FSTL1: variants seen among roughly 807,000 people sequenced by gnomAD.
FSTL1 encodes follistatin-related protein 1.
In FSTL1, 24 loss-of-function variants were observed where a neutral mutation model predicts 45.9. That is an observed-to-expected ratio of 0.52 (90% CI 0.38 to 0.74). The LOEUF (loss-of-function observed/expected upper bound fraction) is 0.74, where lower values mean the gene tolerates loss of function less well. FSTL1 is among the 30% of genes least tolerant of loss of function. The pLI is 0.00. For missense variants in FSTL1, 340 were observed against 381.8 expected, an observed-to-expected ratio of 0.89 and a Z score of 0.91; for synonymous variants, 120 against 137.6, an observed-to-expected ratio of 0.87 and a Z score of 0.89.
Position 120,411,985 on chromosome 3 carries a change from T to C in FSTL1, c.169-2A>G. On this transcript the variant is annotated splice_acceptor_variant, in intron 3 of 10. Transcript: ENST00000295633. LOFTEE classifies it high-confidence loss of function. ...AGGCCTCTTGTGAGGTTTGCATTGC[T>C]GAAACAGACCCAAAAGAGAATGTTT... 1 of 1,610,048 alleles carries C rather than the reference T, an allele frequency of 6.2e-7. No homozygotes were observed. Among genetic ancestry groups the C allele is most frequent in the Non-Finnish European group, 8.5e-7 (1 of 1,176,932 alleles).
At chr3:120,442,591 C>T (rs1475456691) in intron 2 of FSTL1, among the ~76,000 whole-genome samples, 1 of 151,776 alleles carries the variant, frequency 6.6e-6, no homozygotes, top group African/African-American at 2.4e-5. Flanking sequence ...ACCAGCCTGG[C>T]CAACTAGGTG....
chr3:120,396,957 T>C lies in FSTL1; in HGVS notation c.922A>G (p.Ile308Val), dbSNP rs769066779. Residue 308 changes from isoleucine (I) to valine (V), a missense_variant, in exon 11 of 11, where the codon ATC (isoleucine) becomes GTC (valine). Ile to Val is a conservative substitution (Grantham distance 29, BLOSUM62 3). Coordinates refer to ENST00000295633, the MANE Select transcript of FSTL1 (RefSeq NM_007085.5). ...EKTKRVSTKE[I>V] The stretch of plus-strand genomic sequence containing the variant: ...CACTGGTCTGTGCCTCCTCATTAGA[T>C]CTCTTTGGTGCTCACTCTCTTGGTC... 1.2e-6 allele frequency: 2 copies of C among 1,610,650 alleles called. No homozygotes were observed. The highest frequency in any genetic ancestry group is 1.7e-6 in the Non-Finnish European group (2 of 1,176,774).
chr3:120,442,807 A>ACTGCCAGATGTCC (rs1559745446), intron 2 of FSTL1, among the ~76,000 whole-genome samples: 4 of 147,350 alleles, frequency 2.7e-5, no homozygotes, highest in African/African-American at 1.0e-4. Context: ...AAAAAAAAAA[A>ACTGCCAGATGTCC]AAAGCAGACT....
At chr3:120,444,007 C>T (rs1480045915) in intron 2 of FSTL1, among the ~76,000 whole-genome samples, 1 of 149,904 alleles carries the variant, frequency 6.7e-6, no homozygotes, top group Non-Finnish European at 1.5e-5. Context: ...TTTACTTCAT[C>T]AGAATAGCCA....
chr3:120,445,762 G>C (rs1937724666), intron 2 of FSTL1, among the ~76,000 whole-genome samples: 1 of 149,776 alleles, frequency 6.7e-6, no homozygotes, highest in Admixed American at 6.6e-5. Flanking sequence ...ACGATTTAAA[G>C]CACCTGGACC....
intron 10 of FSTL1, among the ~76,000 whole-genome samples, chr3:120,398,225 G>A (rs1936742504): frequency 6.6e-6 from 1 of 152,008 alleles, no homozygotes; most frequent in Admixed American, 6.6e-5. Context: ...TGAATTTTAT[G>A]GTATATGAAT....
chr3:120,403,322 G>A lies in FSTL1; in HGVS notation c.614C>T (p.Ser205Phe). 1 of 1,611,400 alleles carries A rather than the reference G, an allele frequency of 6.2e-7. No homozygotes were observed. The highest frequency in any genetic ancestry group is 8.5e-7 in the Non-Finnish European group (1 of 1,177,516). Residue 205 changes from serine (S) to phenylalanine (F), a missense_variant, in exon 8 of 11, where the codon TCT (serine) becomes TTT (phenylalanine). Coordinates refer to ENST00000295633, the MANE Select transcript of FSTL1 (RefSeq NM_007085.5). ...GAGTTTCCAATCAGCATTTTCATCAGACAGTTCAATGAGAGCATCAACACA... is the reference window on the plus strand; with the variant it reads ...GAGTTTCCAATCAGCATTTTCATCAAACAGTTCAATGAGAGCATCAACACA... Reference protein sequence around the residue: ...GLCVDALIELSDENADWKLSF... With the variant: ...GLCVDALIELFDENADWKLSF...
intron 2 of FSTL1, among the ~76,000 whole-genome samples, chr3:120,438,968 C>T (rs148351774): frequency 4.6e-5 from 7 of 152,150 alleles, no homozygotes; most frequent in East Asian, 1.9e-4. Flanking sequence ...GCCAGTCCCC[C>T]GGGACAGTTT....
chr3:120,411,408 T>C (rs577821823), intron 4 of FSTL1: 11 of 192,844 alleles, frequency 5.7e-5, no homozygotes, highest in African/African-American at 2.6e-4. Context: ...GCAACAAGTG[T>C]GGGACTTCTT....
At chr3:120,412,007 G>T in intron 3 of FSTL1, 24 bp from the exon 4 acceptor site, 1 of 1,600,070 alleles carries the variant, frequency 6.2e-7, no homozygotes, top group Non-Finnish European at 8.6e-7. Flanking sequence ...AAAAGAGAAT[G>T]TTTGTGCAGT....
At chr3:120,434,369 A>T (rs1206803855) in intron 2 of FSTL1, among the ~76,000 whole-genome samples, 1 of 152,144 alleles carries the variant, frequency 6.6e-6, no homozygotes, top group Non-Finnish European at 1.5e-5. Context: ...TACCAAGAGG[A>T]TCTTCTCTGA....
intron 2 of FSTL1, among the ~76,000 whole-genome samples, chr3:120,427,955 A>C (rs1382978445): frequency 6.6e-6 from 1 of 152,170 alleles, no homozygotes; most frequent in Non-Finnish European, 1.5e-5. Flanking sequence ...GTAGAGATGA[A>C]GAGAAGCAAG....
Position 120,446,753 on chromosome 3 carries a change from C to T in FSTL1, c.63+3931G>A, listed in dbSNP as rs186494593. ...AAATATAACCCCTAGTGTACAATGC[C>T]GATAATAGGGTACGGTGAGGTTAAG... is the stretch of plus-strand genomic sequence containing the variant. On this transcript the variant is annotated intron_variant, in intron 2 of 10. Transcript: ENST00000295633. 4.6e-5 allele frequency among the ~76,000 whole-genome samples: 7 copies of T among 152,190 alleles called. No homozygotes were observed. In the East Asian group the frequency reaches 9.6e-4, roughly 21 times the overall value.
At chr3:120,413,940 C>T (rs182902986) in intron 3 of FSTL1, among the ~76,000 whole-genome samples, 38 of 151,962 alleles carry the variant, frequency 2.5e-4, no homozygotes, top group Admixed American at 2.0e-3. Flanking sequence ...TGCAGGCTTG[C>T]GCCGCCATGC....
At chr3:120,449,905 C>G (rs1029361125) in intron 2 of FSTL1, among the ~76,000 whole-genome samples, 1 of 152,016 alleles carries the variant, frequency 6.6e-6, no homozygotes, top group East Asian at 1.9e-4. Flanking sequence ...GACTGGAGCC[C>G]GGGGAATTTA....
intron 9 of FSTL1, among the ~76,000 whole-genome samples, chr3:120,400,921 G>C (rs1433840660): frequency 6.6e-6 from 1 of 152,232 alleles, no homozygotes; most frequent in African/African-American, 2.4e-5. Flanking sequence ...TGGTCATCCA[G>C]GGAGGATGAG....
chr3:120,417,193 C>T (rs1937200958), intron 2 of FSTL1, among the ~76,000 whole-genome samples: 1 of 152,204 alleles, frequency 6.6e-6, no homozygotes, highest in South Asian at 2.1e-4. Flanking sequence ...CCCTCCAGGC[C>T]ATGTCTACCA....
chr3:120,403,441 A>T lies in FSTL1; in HGVS notation c.582-87T>A, dbSNP rs1560011218. On this transcript the variant is annotated intron_variant, in intron 7 of 10. Coordinates refer to ENST00000295633, the MANE Select transcript of FSTL1 (RefSeq NM_007085.5). ...GTAAGCATCAGGACCACATACACCC[A>T]GGGCCTCCACAGGAGGCCAAGAAGA... 3 of 785,214 alleles carry T rather than the reference A, an allele frequency of 3.8e-6. No individual in the cohort carries two copies. In the African/African-American group the frequency reaches 5.1e-5, roughly 13 times the overall value. 48.6% of individuals were successfully genotyped at this position (785,214 alleles called of 1,614,324 possible). A position where few individuals can be genotyped will look rare whatever the true frequency, so the allele number is the denominator to read the frequency against.
chr3:120,407,707 C>G (rs925456327), intron 6 of FSTL1, among the ~76,000 whole-genome samples: 1 of 152,194 alleles, frequency 6.6e-6, no homozygotes, highest in East Asian at 1.9e-4. Flanking sequence ...ATGTAAGACT[C>G]TGATAATCAT....
Sources: allele counts gnomAD v4.1 joint callset (sites outside exome capture counted in the v4.1 genomes callset), GRCh38; gene constraint gnomAD v4.1.1; transcripts MANE v1.5; gene names NCBI Gene and HGNC (gene_info 2026-07-23, HGNC 2026-07-21).